ACP3: variants seen among roughly 807,000 people sequenced by gnomAD.
The protein encoded by ACP3 is prostatic acid phosphatase.
A neutral mutation model predicts 45.6 loss-of-function variants in ACP3; 38 were observed. That is an observed-to-expected ratio of 0.83 (90% CI 0.64 to 1.09). The LOEUF (loss-of-function observed/expected upper bound fraction) is 1.09, where lower values mean the gene tolerates loss of function less well. Ranked by LOEUF, ACP3 falls within the 50% of genes least tolerant of loss-of-function variation. The pLI is 0.00. For synonymous variants in ACP3, 162 were observed against 164.7 expected, an observed-to-expected ratio of 0.98 and a Z score of 0.13; for missense variants, 466 against 463.2, an observed-to-expected ratio of 1.01 and a Z score of -0.05.
At chr3:132,362,330 G>C (rs553506076), downstream of ACP3, among the ~76,000 whole-genome samples, 2 of 152,222 alleles carry the variant, frequency 1.3e-5, no homozygotes, top group Non-Finnish European at 2.9e-5. Flanking sequence ...TCATTCCACT[G>C]TGTCTTGTGG....
rs764088889 is a variant in ACP3, at chr3:132,317,578, T to C, written c.120+2T>C. The C allele has an allele frequency of 6.2e-7, 1 of 1,609,562 alleles. No homozygotes were observed. The highest frequency in any genetic ancestry group is 8.5e-7 in the Non-Finnish European group (1 of 1,177,958). On this transcript the variant is annotated splice_donor_variant, in intron 1 of 9. Coordinates refer to ENST00000336375, the MANE Select transcript of ACP3 (RefSeq NM_001099.5). LOFTEE classifies it high-confidence loss of function. ...AAGGAGTTGAAGTTTGTGACTTTGG[T>C]AAGTAGACTTTTCTCATTGCTTTTT...
At position 132,358,386 on chromosome 3, in the gene ACP3, A is replaced by G; in HGVS notation, c.*1508A>G. On this transcript the variant is annotated 3_prime_UTR_variant, in exon 10 of 10. Coordinates refer to ENST00000336375, the MANE Select transcript of ACP3 (RefSeq NM_001099.5). ...AGGAATGTGTAAGTCTTTAATGCCGATATCTTCAGAAAACCTAAGCAAACT... is the reference window on the plus strand; with the variant it reads ...AGGAATGTGTAAGTCTTTAATGCCGGTATCTTCAGAAAACCTAAGCAAACT... 1 of 1,240,504 alleles carries G rather than the reference A, an allele frequency of 8.1e-7. No individual in the cohort carries two copies. The highest frequency in any genetic ancestry group is 1.4e-5 in the South Asian group (1 of 72,892). 76.8% of individuals were successfully genotyped at this position (1,240,504 alleles called of 1,614,324 possible).
At chr3:132,332,061 C>T (rs1576412487) in intron 3 of ACP3, 131 bp from the exon 4 acceptor site, 1 of 1,067,850 alleles carries the variant, frequency 9.4e-7, no homozygotes, top group East Asian at 2.4e-5. Flanking sequence ...TATTATGATT[C>T]TGATGTTAGC....
chr3:132,333,473 T>G, intron 4 of ACP3: 1 of 152,568 alleles, frequency 6.6e-6, no homozygotes, highest in African/African-American at 2.4e-5. Flanking sequence ...GGACCCAGAC[T>G]TTTGCCCAGT....
intron 4 of ACP3, among the ~76,000 whole-genome samples, chr3:132,336,671 A>C (rs6439355): frequency 1.1e-4 from 17 of 152,242 alleles, no homozygotes; most frequent in African/African-American, 4.1e-4. Context: ...TCCTAAGCCT[A>C]TGCCTTCAGG....
rs549700839 is a variant in ACP3, at chr3:132,358,385, G to A, written c.*1507G>A. Reference sequence around the variant, plus strand: ...AAGGAATGTGTAAGTCTTTAATGCCGATATCTTCAGAAAACCTAAGCAAAC... The same window carrying A: ...AAGGAATGTGTAAGTCTTTAATGCCAATATCTTCAGAAAACCTAAGCAAAC... On this transcript the variant is annotated 3_prime_UTR_variant, in exon 10 of 10. Coordinates refer to ENST00000336375, the MANE Select transcript of ACP3 (RefSeq NM_001099.5). 2.7e-5 allele frequency: 34 copies of A among 1,236,654 alleles called. No individual in the cohort carries two copies. The highest frequency in any genetic ancestry group is 6.0e-5 in the East Asian group (1 of 16,736). The allele number at this position is 1,236,654 out of a possible 1,614,324, so 76.6% of individuals were successfully genotyped here.
intron 9 of ACP3, among the ~76,000 whole-genome samples, chr3:132,355,578 C>T (rs1048019510): frequency 2.7e-5 from 4 of 150,770 alleles, no homozygotes; most frequent in East Asian, 3.9e-4. Context: ...AGTGTAGTGG[C>T]GTGATCTCGG....
Position 132,325,619 on chromosome 3 carries a change from C to CACACACACACACACACACACA in ACP3, c.121-2648_121-2647insACACACACACACACACACACA, listed in dbSNP as rs1308503169. On this transcript the variant is annotated intron_variant, in intron 1 of 9. Transcript: ENST00000336375. The stretch of plus-strand genomic sequence containing the variant: ...AAACACACACACACACACACACACA[C>CACACACACACACACACACACA]CCCTTCCAATCCTAGAGGAAAAGAG... Among the ~76,000 whole-genome samples, 15 of 151,486 alleles carry CACACACACACACACACACACA rather than the reference C, an allele frequency of 9.9e-5. 2 individuals are homozygous for CACACACACACACACACACACA. Among genetic ancestry groups the CACACACACACACACACACACA allele is most frequent in the East Asian group, 1.9e-4 (1 of 5,178 alleles).
intron 10 of ACP3, among the ~76,000 whole-genome samples, chr3:132,367,406 T>TA (rs1428243202): frequency 6.6e-6 from 1 of 152,168 alleles, no homozygotes; most frequent in Non-Finnish European, 1.5e-5. Flanking sequence ...AATATAACTG[T>TA]AAAAAATGCA....
intron 5 of ACP3, among the ~76,000 whole-genome samples, chr3:132,338,271 G>T (rs1451239620): frequency 1.4e-5 from 2 of 147,342 alleles, no homozygotes; most frequent in East Asian, 2.0e-4. Flanking sequence ...GGGCACCTTG[G>T]TTTTGTTTTG....
At chr3:132,337,637 T>G in intron 5 of ACP3, 83 bp downstream of exon 5, 1 of 861,166 alleles carries the variant, frequency 1.2e-6, no homozygotes, top group East Asian at 2.5e-5. Context: ...AGATGAAGCT[T>G]TGGCTTCTTA....
intron 5 of ACP3, among the ~76,000 whole-genome samples, chr3:132,340,595 G>C (rs1937543088): frequency 6.6e-6 from 1 of 152,058 alleles, no homozygotes; most frequent in Admixed American, 6.6e-5. Context: ...CTGGTAGAAG[G>C]TATCCTGTTT....
rs1224685337 is a variant in ACP3 at position 132,358,513 on chromosome 3, A to G, written c.*1635A>G. 9.0e-6 allele frequency: 11 copies of G among 1,224,688 alleles called. No homozygotes were observed. The highest frequency in any genetic ancestry group is 6.2e-5 in the East Asian group (1 of 16,038). The allele number at this position is 1,224,688 out of a possible 1,614,324, so 75.9% of individuals were successfully genotyped here. ...CTAGAGAACACTGTGCTCTATTACCATTATGGATAAAGATGAGATGGTTTC... is the reference window on the plus strand; with the variant it reads ...CTAGAGAACACTGTGCTCTATTACCGTTATGGATAAAGATGAGATGGTTTC... On this transcript the variant is annotated 3_prime_UTR_variant, in exon 10 of 10. Coordinates refer to ENST00000336375, the MANE Select transcript of ACP3 (RefSeq NM_001099.5).
intron 1 of ACP3, among the ~76,000 whole-genome samples, chr3:132,326,035 T>A (rs1203136451): frequency 6.6e-6 from 1 of 152,174 alleles, no homozygotes; most frequent in Non-Finnish European, 1.5e-5. Flanking sequence ...TATTACAATG[T>A]CTCTCACCTG....
At chr3:132,336,728 T>A (rs1348518326) in intron 4 of ACP3, among the ~76,000 whole-genome samples, 1 of 151,996 alleles carries the variant, frequency 6.6e-6, no homozygotes, top group Non-Finnish European at 1.5e-5. Context: ...GCCTTGTACA[T>A]GTTAAATTTG....
At chr3:132,360,034 A>C (rs2107821979), downstream of ACP3, among the ~76,000 whole-genome samples, 1 of 152,354 alleles carries the variant, frequency 6.6e-6, no homozygotes, top group African/African-American at 2.4e-5. Context: ...GATTAGATTT[A>C]TTCAGTATGA....
chr3:132,324,523 A>G (rs1937261842), intron 1 of ACP3, among the ~76,000 whole-genome samples: 1 of 152,250 alleles, frequency 6.6e-6, no homozygotes, highest in South Asian at 2.1e-4. Context: ...TTACTTGCTC[A>G]GTGCAGCAGT....
At chr3:132,351,375 G>C (rs1458288619) in intron 8 of ACP3, among the ~76,000 whole-genome samples, 1 of 152,186 alleles carries the variant, frequency 6.6e-6, no homozygotes. Flanking sequence ...CATTCAAATA[G>C]CTGCCCATGG....
chr3:132,344,207 A>C (rs1371128789), intron 6 of ACP3, among the ~76,000 whole-genome samples: 3 of 150,390 alleles, frequency 2.0e-5, no homozygotes, highest in African/African-American at 7.3e-5. Context: ...GAACCCAGGA[A>C]GTGGAGGTTG....
Sources: gnomAD v4.1 joint callset for allele counts (sites outside exome capture counted in the v4.1 genomes callset) on GRCh38, gnomAD v4.1.1 for gene constraint, MANE v1.5 for transcripts, NCBI Gene and HGNC (gene_info 2026-07-23, HGNC 2026-07-21) for gene names.